SUGCT: variants seen among roughly 807,000 people sequenced by gnomAD.
The protein encoded by SUGCT is succinyl-CoA:glutarate CoA-transferase.
Under a neutral mutation model 55.0 loss-of-function variants are expected in SUGCT, and 41 were observed. The ratio of observed to expected loss-of-function variants is 0.74; its 90% confidence interval spans 0.58 to 0.97. The LOEUF (loss-of-function observed/expected upper bound fraction) is 0.97. SUGCT is among the 50% of genes least tolerant of loss of function. The pLI is 0.00. For synonymous variants in SUGCT, 187 were observed against 200.4 expected (o/e 0.93, Z 0.56); for missense variants, 568 against 547.8 (o/e 1.04, Z -0.37).
chr7:40,415,763 A>G (rs984785196), intron 9 of SUGCT, among the ~76,000 whole-genome samples: 3 of 152,118 alleles, frequency 2.0e-5, no homozygotes, highest in Admixed American at 1.3e-4. Context: ...TCTTACTAAA[A>G]TAGAATTCTA....
intron 9 of SUGCT, among the ~76,000 whole-genome samples, chr7:40,348,284 C>T (rs923236583): frequency 6.6e-6 from 1 of 152,202 alleles, no homozygotes; most frequent in Non-Finnish European, 1.5e-5. Flanking sequence ...AGACCTGGCA[C>T]TTGTCCGGCA....
chr7:41,021,766 GC>G, the SUGCT span, among the ~76,000 whole-genome samples: 2 of 151,990 alleles, frequency 1.3e-5, no homozygotes, highest in Non-Finnish European at 2.9e-5. Context: ...CAAAAGGTAG[GC>G]CCCAAAATAC....
chr7:40,970,242 A>G, the SUGCT span, among the ~76,000 whole-genome samples: 1 of 151,942 alleles, frequency 6.6e-6, no homozygotes, highest in Non-Finnish European at 1.5e-5. Flanking sequence ...CGCGATGTCA[A>G]CTCACTGCAA....
At chr7:40,285,435 G>T (rs1793265224) in intron 8 of SUGCT, among the ~76,000 whole-genome samples, 1 of 148,944 alleles carries the variant, frequency 6.7e-6, no homozygotes, top group Admixed American at 6.7e-5. Flanking sequence ...ACTTTCTCAG[G>T]TCAGGGAATT....
chr7:40,210,200 C>G (rs1204825394), intron 6 of SUGCT, among the ~76,000 whole-genome samples: 2 of 152,172 alleles, frequency 1.3e-5, no homozygotes, highest in East Asian at 3.9e-4. Context: ...CATGTGCCAC[C>G]ACGCCCAGCT....
At chr7:40,614,678 A>G (rs1168499234) in intron 12 of SUGCT, among the ~76,000 whole-genome samples, 1 of 152,196 alleles carries the variant, frequency 6.6e-6, no homozygotes, top group Admixed American at 6.5e-5. Flanking sequence ...TTTCTCCTGT[A>G]TTGAAAATAA....
chr7:40,382,060 T>A (rs149053599), intron 9 of SUGCT, among the ~76,000 whole-genome samples: 1 of 151,970 alleles, frequency 6.6e-6, no homozygotes, highest in Admixed American at 6.6e-5. Context: ...TTGAGTGTGG[T>A]ATATGGATTT....
At chr7:40,925,584 A>C in the SUGCT span, among the ~76,000 whole-genome samples, 1 of 152,176 alleles carries the variant, frequency 6.6e-6, no homozygotes, top group Non-Finnish European at 1.5e-5. Context: ...TGTTCTCTTC[A>C]TCACAGAACA....
chr7:40,997,641 C>A, the SUGCT span, among the ~76,000 whole-genome samples: 1 of 152,204 alleles, frequency 6.6e-6, no homozygotes. Context: ...CCTTCTCAAA[C>A]GCATCACCCT....
intron 6 of SUGCT, among the ~76,000 whole-genome samples, chr7:40,204,235 C>T (rs1786805257): frequency 6.6e-6 from 1 of 151,976 alleles, no homozygotes; most frequent in Non-Finnish European, 1.5e-5. Context: ...AAGTGATCCT[C>T]CTGCCTTGGT....
chr7:40,250,828 C>CTTT lies in SUGCT; in HGVS notation c.576+13126_576+13128dup, dbSNP rs67372014. Reference sequence around the variant, plus strand: ...AAGATGTTGAAGTCATTTCACGCTTCTTTTTTTTTTTTTTTTTTTTTTTTT... The same window carrying CTTT: ...AAGATGTTGAAGTCATTTCACGCTTCTTTTTTTTTTTTTTTTTTTTTTTTTTTT... On this transcript the variant is annotated intron_variant, in intron 7 of 13. Coordinates refer to ENST00000335693, the MANE Select transcript of SUGCT (RefSeq NM_001193313.2). Among the ~76,000 whole-genome samples the CTTT allele has an allele frequency of 1.1e-4, 13 of 121,262 alleles. 1 individual carries two copies. The highest frequency in any genetic ancestry group is 3.7e-4 in the African/African-American group (10 of 27,394). The allele number at this position is 121,262 out of a possible 152,430, so 79.6% of individuals were successfully genotyped here. A position where few individuals can be genotyped will look rare whatever the true frequency, so the allele number is the denominator to read the frequency against.
intron 8 of SUGCT, among the ~76,000 whole-genome samples, chr7:40,284,007 A>G (rs1446843405): frequency 6.6e-6 from 1 of 152,224 alleles, no homozygotes; most frequent in Non-Finnish European, 1.5e-5. Context: ...GCAACAAGAC[A>G]TATGAACCTG....
intron 9 of SUGCT, among the ~76,000 whole-genome samples, chr7:40,362,011 A>C (rs1016270782): frequency 1.3e-5 from 2 of 152,022 alleles, no homozygotes; most frequent in Non-Finnish European, 1.5e-5. Context: ...CACAATATTT[A>C]AATGTCAATC....
chr7:40,150,300 C>G (rs1788489170), intron 1 of SUGCT, among the ~76,000 whole-genome samples: 1 of 152,194 alleles, frequency 6.6e-6, no homozygotes, highest in South Asian at 2.1e-4. Context: ...CTCTGACTCC[C>G]TGTGACTTCA....
intron 9 of SUGCT, among the ~76,000 whole-genome samples, chr7:40,364,174 T>A (rs1171352224): frequency 6.6e-6 from 1 of 152,128 alleles, no homozygotes; most frequent in Non-Finnish European, 1.5e-5. Flanking sequence ...TTGGTAGATC[T>A]TCCTACATCC....
At chr7:40,257,866 T>A (rs867435314) in intron 7 of SUGCT, among the ~76,000 whole-genome samples, 1 of 152,128 alleles carries the variant, frequency 6.6e-6, no homozygotes, top group African/African-American at 2.4e-5. Flanking sequence ...AGGGCAAGAC[T>A]ACGTCTCAGA....
chr7:40,486,812 A>G (rs922810831), intron 11 of SUGCT, among the ~76,000 whole-genome samples: 5 of 150,732 alleles, frequency 3.3e-5, no homozygotes, highest in Admixed American at 3.3e-4. Flanking sequence ...TATAACCTCA[A>G]ACTCCTGGGC....
At chr7:40,459,880 C>T (rs1263650071) in intron 11 of SUGCT, among the ~76,000 whole-genome samples, 1 of 152,112 alleles carries the variant, frequency 6.6e-6, no homozygotes, top group Non-Finnish European at 1.5e-5. Context: ...ATTATTCTTA[C>T]TGTTTCATGT....
chr7:40,524,707 T>A (rs1793714717), intron 12 of SUGCT, among the ~76,000 whole-genome samples: 1 of 152,228 alleles, frequency 6.6e-6, no homozygotes, highest in Admixed American at 6.5e-5. Context: ...TGGGATTAGT[T>A]CTATTTGTAG....
Sources: allele counts gnomAD v4.1 joint callset (sites outside exome capture counted in the v4.1 genomes callset), GRCh38; gene constraint gnomAD v4.1.1; transcripts MANE v1.5; gene names NCBI Gene and HGNC (gene_info 2026-07-23, HGNC 2026-07-21).